The following XIST variants were observed in gnomAD, a reference collection of about 807,000 sequenced individuals.
The protein encoded by XIST is X inactive specific transcript (non-protein coding).
chrX:73,850,015 G>A lies in XIST; in HGVS notation n.2709C>T, dbSNP rs375240518. ...TCCAATATAATAAGTCTGAATAGAG[G>A]ACACCAGACCACAGCAATTCAAGTT... On this transcript the variant is annotated non_coding_transcript_exon_variant, in exon 1 of 6. Coordinates refer to ENST00000429829, the Ensembl canonical transcript of XIST. 1.1e-5 allele frequency: 6 copies of A among 556,436 alleles called. No individual in the cohort carries two copies. In the African/African-American group the frequency reaches 1.1e-4, roughly 10 times the overall value. The allele number at this position is 556,436 out of a possible 1,213,427, so 45.9% of individuals were successfully genotyped here.
chrX:73,827,509 G>A, exon 6 of XIST: 1 of 537,640 alleles, frequency 1.9e-6, no homozygotes, highest in South Asian at 2.4e-5. Flanking sequence ...AGGAGAGAGA[G>A]AATAGCCCAA....
At chrX:73,836,278 G>A (rs760151505) in intron 2 of XIST, among the ~76,000 whole-genome samples, 1 of 112,302 alleles carries the variant, frequency 8.9e-6, no homozygotes, top group Non-Finnish European at 1.9e-5. Context: ...GTTTGTTTCT[G>A]CAACCTATTT....
At chrX:73,836,387 C>G (rs1922483670) in intron 2 of XIST, among the ~76,000 whole-genome samples, 1 of 111,179 alleles carries the variant, frequency 9.0e-6, no homozygotes, top group African/African-American at 3.3e-5. Context: ...ACCATAGAAG[C>G]AAATGTCAAA....
chrX:73,829,149 A>C, exon 5 of XIST: 2 of 558,824 alleles, frequency 3.6e-6, no homozygotes, highest in Non-Finnish European at 6.5e-6. Flanking sequence ...AGTGTGTTCA[A>C]ATTTCTTGGA....
chrX:73,841,316 T>G (rs943931093), intron 1 of XIST: 43 of 423,821 alleles, frequency 1.0e-4, no homozygotes, highest in African/African-American at 9.9e-4. Context: ...TTTCTATAGG[T>G]GGCATCTAAG....
intron 3 of XIST, among the ~76,000 whole-genome samples, chrX:73,832,201 G>A (rs1004185644): frequency 1.8e-5 from 2 of 111,231 alleles, no homozygotes; most frequent in African/African-American, 3.3e-5. Flanking sequence ...TGGCGTGGTC[G>A]CGCATGCCTG....
exon 1 of XIST, chrX:73,851,177 C>G (rs1207706009): frequency 3.6e-6 from 2 of 559,571 alleles, no homozygotes; most frequent in Admixed American, 2.2e-5. Flanking sequence ...CCTTTTCTCC[C>G]GCTCTGCGTG....
exon 1 of XIST, chrX:73,846,134 G>A (rs1922759491): frequency 1.8e-6 from 1 of 553,433 alleles, no homozygotes; most frequent in African/African-American, 2.3e-5. Context: ...AGGCTTCCAT[G>A]TCTAATACAC....
chrX:73,844,819 C>A, exon 1 of XIST: 1 of 556,078 alleles, frequency 1.8e-6, no homozygotes, highest in East Asian at 3.3e-5. Flanking sequence ...CAGTTACACA[C>A]ATTATTGACC....
At chrX:73,830,350 T>C (rs1198398867) in intron 4 of XIST, among the ~76,000 whole-genome samples, 1 of 111,924 alleles carries the variant, frequency 8.9e-6, no homozygotes, top group Non-Finnish European at 1.9e-5. Flanking sequence ...TTCTTACCCA[T>C]GAAAATATTT....
At chrX:73,846,174 T>C (rs751777709) in exon 1 of XIST, 3 of 554,059 alleles carry the variant, frequency 5.4e-6, no homozygotes, top group Non-Finnish European at 9.7e-6. Context: ...ATCACACGCA[T>C]ACCAGGCCAG....
intron 5 of XIST, chrX:73,828,207 A>C (rs890720234): frequency 5.8e-6 from 2 of 344,505 alleles, no homozygotes; most frequent in Non-Finnish European, 9.9e-6. Context: ...TCTTCTATTT[A>C]TAAACTTTTA....
exon 6 of XIST, chrX:73,826,660 C>T (rs1297881448): frequency 3.6e-6 from 2 of 557,388 alleles, no homozygotes; most frequent in African/African-American, 4.5e-5. Flanking sequence ...CTTGGGATTT[C>T]CCCAGGTCTT....
chrX:73,826,302 AAAAG>A (rs1922251115), exon 6 of XIST: 1 of 557,491 alleles, frequency 1.8e-6, no homozygotes. Flanking sequence ...TTCTGGGGTC[AAAAG>A]AAAGGACTGA....
chrX:73,830,637 A>G (rs978269130), intron 4 of XIST, among the ~76,000 whole-genome samples: 4 of 112,118 alleles, frequency 3.6e-5, no homozygotes, highest in Non-Finnish European at 3.8e-5. Context: ...CACTTGTTGT[A>G]TTATACACCA....
chrX:73,845,947 G>A, exon 1 of XIST: 1 of 557,677 alleles, frequency 1.8e-6, no homozygotes, highest in Middle Eastern at 3.1e-4. Context: ...AAAGGGGTCT[G>A]AGAGTAGGAC....
intron 1 of XIST, chrX:73,841,281 A>C (rs1398868688): frequency 2.5e-6 from 1 of 407,014 alleles, no homozygotes; most frequent in Non-Finnish European, 4.2e-6. Flanking sequence ...GGAAGAAGGA[A>C]AGAAACTTAC....
At chrX:73,841,848 T>G (rs770733771) in exon 1 of XIST, 10 of 512,685 alleles carry the variant, frequency 2.0e-5, no homozygotes, top group Non-Finnish European at 3.1e-5. Context: ...GTTCCCTCAT[T>G]TAATCGTTTT....
rs1373998037 is a variant in XIST at position 73,850,244 on chromosome X, C to G, written n.2480G>C. 5.5e-6 allele frequency: 3 copies of G among 547,779 alleles called. No homozygotes were observed. The African/African-American group carries it at 6.8e-5, about 12-fold the overall frequency. The allele number at this position is 547,779 out of a possible 1,213,427, so 45.1% of individuals were successfully genotyped here. On this transcript the variant is annotated non_coding_transcript_exon_variant, in exon 1 of 6. Coordinates refer to ENST00000429829, the Ensembl canonical transcript of XIST. The stretch of plus-strand genomic sequence containing the variant: ...GAAAATGACCAGCACATTTTTAAAA[C>G]ATTAGAAATGATTTGACTTTGACTA...
Sources: allele counts gnomAD v4.1 joint callset (sites outside exome capture counted in the v4.1 genomes callset), GRCh38; gene constraint gnomAD v4.1.1; transcripts MANE v1.5; gene names NCBI Gene and HGNC (gene_info 2026-07-23, HGNC 2026-07-21).